The following SRP68 variants were observed in gnomAD, a reference collection of about 807,000 sequenced individuals.
SRP68 encodes signal recognition particle 68.
SRP68 carries 15 observed loss-of-function variants against 82.2 expected under a neutral mutation model. That is an observed-to-expected ratio of 0.18 (90% CI 0.12 to 0.28). The LOEUF is 0.28. Ranked by LOEUF, SRP68 falls within the 10% of genes least tolerant of loss-of-function variation. SRP68 has a pLI of 1.00. For missense variants in SRP68, 595 were observed against 780.5 expected (o/e 0.76, Z 2.83); for synonymous variants, 261 against 292.6 (o/e 0.89, Z 1.10).
chr17:76,072,002 C>T lies in SRP68; in HGVS notation c.184+306G>A. On this transcript the variant is annotated intron_variant, in intron 1 of 15. Transcript: ENST00000307877. This position sits in a 1 kb window ranked among gnomAD's most constrained non-coding sequence, Gnocchi z 4.5. ...TGGCTCAAGGTGCCAAAGCAAGGTG[C>T]TCAAGGTGTCACTTGGTCACAAGCC... is the stretch of plus-strand genomic sequence containing the variant. 2.0e-6 allele frequency: 1 copy of T among 497,664 alleles called. No individual in the cohort carries two copies. The highest frequency in any genetic ancestry group is 2.3e-5 in the South Asian group (1 of 43,304). 30.8% of individuals were successfully genotyped at this position (497,664 alleles called of 1,614,324 possible).
intron 14 of SRP68, 145 bp downstream of exon 14, chr17:76,040,758 A>C (rs1038123660): frequency 1.3e-6 from 1 of 779,492 alleles, no homozygotes; most frequent in Non-Finnish European, 2.1e-6. Context: ...TCTGATGCCC[A>C]GCTGGCACAA....
intron 9 of SRP68, chr17:76,049,538 C>T (rs1434803593): frequency 1.3e-5 from 2 of 152,140 alleles, no homozygotes; most frequent in East Asian, 1.9e-4. Flanking sequence ...CAGTGAAGTA[C>T]AAGGCTGGGA....
chr17:76,050,773 C>CA (rs1366972388), intron 8 of SRP68, among the ~76,000 whole-genome samples: 1 of 115,802 alleles, frequency 8.6e-6, no homozygotes, highest in Non-Finnish European at 1.9e-5. Context: ...AAGCTGTCTG[C>CA]ATAACTGATC....
rs376088870 is a variant in SRP68, at chr17:76,059,028, G to A, written c.837+1280C>T. Among the ~76,000 whole-genome samples, 32 of 152,210 alleles carry A rather than the reference G, an allele frequency of 2.1e-4. 1 individual carries two copies. The East Asian group carries it at 5.8e-3, about 28-fold the overall frequency. ...GCTAAGGCGAACAGATTGCTTGAGC[G>A]CAGGAGTTCGAGAATGAGACCAGCC... is the stretch of plus-strand genomic sequence containing the variant. On this transcript the variant is annotated intron_variant, in intron 7 of 15. Transcript: ENST00000307877.
rs572675011 is a variant in SRP68, at chr17:76,060,292, G to A, written c.837+16C>T. 2.1e-5 allele frequency: 34 copies of A among 1,582,692 alleles called. No individual in the cohort carries two copies. In the Admixed American group the frequency reaches 4.6e-4, roughly 21 times the overall value. ...TTGTCCAAAGACTTTTCACAAAAAT[G>A]TACATACTAGATTACCTCCAATTTT... is the stretch of plus-strand genomic sequence containing the variant. On this transcript the variant is annotated intron_variant, in intron 7 of 15. Coordinates refer to ENST00000307877, the MANE Select transcript of SRP68 (RefSeq NM_014230.4).
At chr17:76,049,311 T>C (rs1263844274) in intron 9 of SRP68, 3 of 152,190 alleles carry the variant, frequency 2.0e-5, no homozygotes, top group Admixed American at 2.0e-4. Context: ...GAGATCTCTG[T>C]GGGCTAGGAT....
Position 76,039,942 on chromosome 17 carries a change from C to T in SRP68, c.1657-9G>A. ...AACCGTTCAACCAGAGGCTGGAAGT[C>T]AAATCAAAGAGACGTATGTAGCATC... On this transcript the variant is annotated splice_polypyrimidine_tract_variant and intron_variant, in intron 15 of 15. Transcript: ENST00000307877. 6.2e-7 allele frequency: 1 copy of T among 1,613,656 alleles called. No individual in the cohort carries two copies. Among genetic ancestry groups the T allele is most frequent in the Non-Finnish European group, 8.5e-7 (1 of 1,179,766 alleles).
intron 2 of SRP68, among the ~76,000 whole-genome samples, chr17:76,069,266 T>A (rs548722819): frequency 2.6e-5 from 4 of 151,448 alleles, no homozygotes; most frequent in Admixed American, 2.6e-4. Context: ...TGCATGCCTG[T>A]AGTCCCAGGT....
chr17:76,070,799 G>A (rs537117699), intron 1 of SRP68, among the ~76,000 whole-genome samples: 14 of 151,934 alleles, frequency 9.2e-5, no homozygotes, highest in South Asian at 2.1e-4. Flanking sequence ...CCAAGACAGC[G>A]CCACTGCACT....
intron 2 of SRP68, among the ~76,000 whole-genome samples, chr17:76,068,667 A>G (rs764884415): frequency 2.6e-5 from 4 of 152,206 alleles, no homozygotes; most frequent in African/African-American, 7.2e-5. Context: ...CTCCTCCTCT[A>G]TGCTCATGTA....
chr17:76,042,142 CCA>C (rs1324912676), intron 13 of SRP68, among the ~76,000 whole-genome samples: 2 of 152,018 alleles, frequency 1.3e-5, no homozygotes, highest in African/African-American at 2.4e-5. Context: ...CCTCGGCCTC[CCA>C]CAGTGCTGGG....
At chr17:76,068,387 T>G (rs1399387138) in intron 2 of SRP68, among the ~76,000 whole-genome samples, 3 of 128,312 alleles carry the variant, frequency 2.3e-5, no homozygotes, top group Admixed American at 8.5e-5. Context: ...ACCCGGGAGG[T>G]GGAGGTTGCA....
chr17:76,042,586 CTTTA>C (rs1176046336), intron 13 of SRP68, among the ~76,000 whole-genome samples: 3 of 149,998 alleles, frequency 2.0e-5, no homozygotes, highest in South Asian at 2.1e-4. Context: ...CATGGCTGCA[CTTTA>C]TTTATTTATT....
At position 76,064,180 on chromosome 17, in the gene SRP68, G is replaced by A. The variant is rs182290744; in HGVS notation, c.366-9C>T. On this transcript the variant is annotated splice_polypyrimidine_tract_variant and intron_variant, in intron 3 of 15. Transcript: ENST00000307877. ...GAACCAGAAGCAAGTATCTAGACCA[G>A]AGACAGAAGTGGGGAGACAATAAAG... 14 of 1,612,770 alleles carry A rather than the reference G, an allele frequency of 8.7e-6. No individual in the cohort carries two copies. The African/African-American group carries it at 1.9e-4, about 22-fold the overall frequency.
chr17:76,041,754 T>C (rs1411616253), intron 13 of SRP68: 3 of 152,192 alleles, frequency 2.0e-5, no homozygotes, highest in African/African-American at 7.2e-5. Context: ...GGCTCCTGCA[T>C]GCCAGTCTGT....
intron 4 of SRP68, among the ~76,000 whole-genome samples, chr17:76,062,523 A>G (rs1358656678): frequency 9.8e-6 from 1 of 101,702 alleles, no homozygotes; most frequent in Non-Finnish European, 1.9e-5. Flanking sequence ...TACATTATAT[A>G]TTATATAATA....
chr17:76,041,558 C>T (rs900094066), intron 13 of SRP68: 4 of 152,318 alleles, frequency 2.6e-5, no homozygotes, highest in Admixed American at 2.6e-4. Flanking sequence ...TCCATTCTGA[C>T]ACTTCCCCCA....
chr17:76,043,006 T>C (rs1371805885), intron 13 of SRP68, among the ~76,000 whole-genome samples: 1 of 152,026 alleles, frequency 6.6e-6, no homozygotes, highest in African/African-American at 2.4e-5. Context: ...TCTCAAGGTT[T>C]TGGGAGGCAG....
chr17:76,046,304 C>T lies in SRP68; in HGVS notation c.1143-110G>A, dbSNP rs528892752. ...AGAGGAAGCAGGGGGCGGGTGGGGG[C>T]GTGGCCACAGCAGGGCCATTTGGCT... is the stretch of plus-strand genomic sequence containing the variant. On this transcript the variant is annotated intron_variant, in intron 10 of 15. Coordinates refer to ENST00000307877, the MANE Select transcript of SRP68 (RefSeq NM_014230.4). 51 of 1,256,956 alleles carry T rather than the reference C, an allele frequency of 4.1e-5. No individual in the cohort carries two copies. The South Asian group carries it at 4.8e-4, about 12-fold the overall frequency. 77.9% of individuals were successfully genotyped at this position (1,256,956 alleles called of 1,614,324 possible). A position where few individuals can be genotyped will look rare whatever the true frequency, so the allele number is the denominator to read the frequency against.
Sources: gnomAD v4.1 joint callset for allele counts (sites outside exome capture counted in the v4.1 genomes callset) on GRCh38, gnomAD v4.1.1 for gene constraint, Gnocchi (gnomAD v3.1) non-coding constraint, MANE v1.5 for transcripts, NCBI Gene and HGNC (gene_info 2026-07-23, HGNC 2026-07-21) for gene names.